ZFHX3: variants seen among roughly 807,000 people sequenced by gnomAD.
ZFHX3 encodes the protein zinc finger homeobox 3, also known as zinc finger homeobox protein 3.
ZFHX3 carries 42 observed loss-of-function variants against 279.1 expected under a neutral mutation model. That is an observed-to-expected ratio of 0.15 (90% CI 0.12 to 0.19). The LOEUF is 0.19. Among genes scored for constraint, ZFHX3 ranks in the 10% least tolerant of loss-of-function variants. ZFHX3 has a pLI of 1.00. For synonymous variants in ZFHX3, 2,293 were observed against 1,957.8 expected, an observed-to-expected ratio of 1.17 and a Z score of -4.52; for missense variants, 4,981 against 4,754.0, an observed-to-expected ratio of 1.05 and a Z score of -1.40.
Position 73,334,810 on chromosome 16 carries a change from C to CCTTTTTTTTTTTTTTTTTTT in ZFHX3, c.-1290-16475_-1290-16474insAAAAAAAAAAAAAAAAAAAG, listed in dbSNP as rs1555510772. ...TCTTTTCCTCCTTTTCTTTCTCATT[C>CCTTTTTTTTTTTTTTTTTTT]TTTTTTTTTTTTTTTTTTTTTTTTT... On this transcript the variant is annotated intron_variant, in intron 3 of 17. Transcript: ENST00000641206. Among the ~76,000 whole-genome samples the CCTTTTTTTTTTTTTTTTTTT allele has an allele frequency of 8.6e-5, 5 of 57,858 alleles. 2 individuals carry two copies. The highest frequency in any genetic ancestry group is 2.9e-4 in the African/African-American group (5 of 17,328). 38.0% of individuals were successfully genotyped at this position (57,858 alleles called of 152,430 possible). A position where few individuals can be genotyped will look rare whatever the true frequency, so the allele number is the denominator to read the frequency against.
chr16:73,245,193 T>A (rs73601370), intron 5 of ZFHX3, among the ~76,000 whole-genome samples: 20,431 of 152,218 alleles, frequency 0.13, 2,104 homozygotes, highest in East Asian at 0.46. Flanking sequence ...TACTCATCTG[T>A]CTCCTCTTGC....
intron 8 of ZFHX3, among the ~76,000 whole-genome samples, chr16:73,071,604 G>A (rs1965828355): frequency 6.6e-6 from 1 of 152,178 alleles, no homozygotes; most frequent in Non-Finnish European, 1.5e-5. Flanking sequence ...GGGGAGGAGT[G>A]GCAGTCCATG....
At chr16:73,485,424 G>GAAAA (rs796678890) in intron 2 of ZFHX3, among the ~76,000 whole-genome samples, 2 of 45,238 alleles carry the variant, frequency 4.4e-5, no homozygotes, top group Admixed American at 2.3e-4. Context: ...GGGTGAGGGA[G>GAAAA]AAAAAAAAAA....
At chr16:73,494,103 C>G (rs978033438) in intron 2 of ZFHX3, among the ~76,000 whole-genome samples, 1 of 152,044 alleles carries the variant, frequency 6.6e-6, no homozygotes, top group East Asian at 1.9e-4. Context: ...AGTCGCTTCC[C>G]GGTAGGTGCA....
At chr16:73,393,256 C>T (rs539549512) in intron 3 of ZFHX3, among the ~76,000 whole-genome samples, 8 of 152,182 alleles carry the variant, frequency 5.3e-5, no homozygotes, top group Non-Finnish European at 8.8e-5. Flanking sequence ...GCCCTTCCTT[C>T]CAATTTAAGC....
intron 1 of ZFHX3, among the ~76,000 whole-genome samples, chr16:73,806,022 A>C (rs1567416451): frequency 6.6e-6 from 1 of 152,220 alleles, no homozygotes; most frequent in African/African-American, 2.4e-5. Context: ...AAGCCTCAGG[A>C]AACTTACAAT....
At chr16:73,497,284 T>C (rs1333016895) in intron 2 of ZFHX3, among the ~76,000 whole-genome samples, 1 of 152,072 alleles carries the variant, frequency 6.6e-6, no homozygotes, top group African/African-American at 2.4e-5. Context: ...ACTCAAAAAC[T>C]GTCTGACAAA....
At chr16:73,433,794 C>G (rs561919489) in intron 3 of ZFHX3, among the ~76,000 whole-genome samples, 2 of 152,326 alleles carry the variant, frequency 1.3e-5, no homozygotes, top group East Asian at 3.9e-4. Context: ...TGAGCCCACT[C>G]TGCGGCTGCA....
chr16:73,721,410 C>A (rs1597081665), intron 1 of ZFHX3, among the ~76,000 whole-genome samples: 1 of 152,178 alleles, frequency 6.6e-6, no homozygotes, highest in African/African-American at 2.4e-5. Context: ...GTGTGAGCCA[C>A]CCAGCCTTCT....
chr16:73,714,892 T>A (rs1348194858), intron 1 of ZFHX3, among the ~76,000 whole-genome samples: 1 of 152,156 alleles, frequency 6.6e-6, no homozygotes, highest in Non-Finnish European at 1.5e-5. Flanking sequence ...TCCCGCTCAT[T>A]TAAACAAAAA....
At chr16:73,233,612 G>C (rs1052921761) in intron 5 of ZFHX3, among the ~76,000 whole-genome samples, 10 of 152,200 alleles carry the variant, frequency 6.6e-5, no homozygotes, top group Non-Finnish European at 1.5e-4. Context: ...GGGGGTGCCA[G>C]TTTGGGATTC....
intron 5 of ZFHX3, among the ~76,000 whole-genome samples, chr16:73,162,132 C>T (rs891833619): frequency 5.9e-5 from 9 of 152,176 alleles, no homozygotes; most frequent in Non-Finnish European, 1.2e-4. Context: ...TTCATGGCCT[C>T]TTAGGAACCA....
rs372433075 is a variant in ZFHX3, at chr16:73,863,270, T to C, written c.-1608+28381A>G. ...AAGCAGTCCCTAGAGGAATGGGGTA[T>C]TGAAAGTGAAGCTTTAATAGGTAGG... is the stretch of plus-strand genomic sequence containing the variant. On this transcript the variant is annotated intron_variant, in intron 1 of 17. Coordinates refer to the ZFHX3 transcript ENST00000641206. Among the ~76,000 whole-genome samples the C allele has an allele frequency of 4.6e-5, 7 of 152,246 alleles. No individual in the cohort carries two copies. The East Asian group carries it at 1.4e-3, about 29-fold the overall frequency.
chr16:73,663,134 A>G (rs756849505), intron 2 of ZFHX3, among the ~76,000 whole-genome samples: 1 of 152,260 alleles, frequency 6.6e-6, no homozygotes, highest in African/African-American at 2.4e-5. Context: ...TCTGATTTGT[A>G]GCGTCTTGAC....
chr16:73,257,266 A>T (rs143272302), intron 4 of ZFHX3: 7 of 152,374 alleles, frequency 4.6e-5, no homozygotes, highest in Non-Finnish European at 8.8e-5. Flanking sequence ...GGTGTTATAA[A>T]TATGGTCATC....
At chr16:72,799,534 G>A (rs1348165532) in intron 8 of ZFHX3, among the ~76,000 whole-genome samples, 1 of 152,170 alleles carries the variant, frequency 6.6e-6, no homozygotes, top group African/African-American at 2.4e-5. Flanking sequence ...ATCTAGCCAG[G>A]AAACACTATG....
chr16:73,311,613 G>GCC (rs2015328901), intron 4 of ZFHX3, among the ~76,000 whole-genome samples: 1 of 18,532 alleles, frequency 5.4e-5, no homozygotes, highest in African/African-American at 2.7e-4. Flanking sequence ...AAAAAAAAAA[G>GCC]AAGTCACCAA....
chr16:73,738,832 G>A (rs780785052), intron 1 of ZFHX3, among the ~76,000 whole-genome samples: 6 of 152,118 alleles, frequency 3.9e-5, no homozygotes, highest in Non-Finnish European at 5.9e-5. Flanking sequence ...CATGTCAGCT[G>A]GATTCCTGCT....
chr16:73,659,823 C>T (rs916173338), intron 2 of ZFHX3, among the ~76,000 whole-genome samples: 2 of 152,056 alleles, frequency 1.3e-5, no homozygotes, highest in Admixed American at 6.5e-5. Context: ...TTCAAGTTTC[C>T]TTATTAGCAG....
Sources: gnomAD v4.1 joint callset for allele counts (sites outside exome capture counted in the v4.1 genomes callset) on GRCh38, gnomAD v4.1.1 for gene constraint, MANE v1.5 for transcripts, NCBI Gene and HGNC (gene_info 2026-07-23, HGNC 2026-07-21) for gene names.